The following UNC13C variants were observed in gnomAD, a reference collection of about 807,000 sequenced individuals.
UNC13C encodes protein unc-13 homolog C.
Under a neutral mutation model 245.4 loss-of-function variants are expected in UNC13C, and 174 were observed. The ratio of observed to expected loss-of-function variants is 0.71; its 90% CI spans 0.63 to 0.80. The LOEUF (loss-of-function observed/expected upper bound fraction) is 0.80, where lower values mean the gene tolerates loss of function less well. Ranked by LOEUF, UNC13C falls within the 30% of genes least tolerant of loss-of-function variation. The pLI is 0.00. For missense variants in UNC13C, 2,829 were observed against 2,602.9 expected (o/e 1.09, Z -1.89); for synonymous variants, 992 against 895.1 (o/e 1.11, Z -1.93).
chr15:54,553,822 G>GT (rs143289431), intron 28 of UNC13C, among the ~76,000 whole-genome samples: 7,873 of 151,850 alleles, frequency 0.052, 350 homozygotes, highest in Admixed American at 0.13. Context: ...TGACCACATT[G>GT]TTAAACCAGT....
At chr15:54,151,819 C>T (rs1033660967) in intron 4 of UNC13C, among the ~76,000 whole-genome samples, 5 of 143,482 alleles carry the variant, frequency 3.5e-5, no homozygotes, top group Non-Finnish European at 7.7e-5. Context: ...CAGTTCCTGG[C>T]GCTGGAGCGT....
At chr15:53,845,387 G>A in the UNC13C span, among the ~76,000 whole-genome samples, 3 of 151,338 alleles carry the variant, frequency 2.0e-5, no homozygotes, top group African/African-American at 7.3e-5. Flanking sequence ...CTGAAATAGA[G>A]AAGTAGATCA....
the UNC13C span, among the ~76,000 whole-genome samples, chr15:53,946,447 TTTTG>T: frequency 2.4e-5 from 2 of 82,520 alleles, no homozygotes; most frequent in Non-Finnish European, 2.7e-5. Context: ...GTGTTCTTTT[TTTTG>T]TTTTTTTTTT....
intron 4 of UNC13C, among the ~76,000 whole-genome samples, chr15:54,177,098 GA>G (rs553507722): frequency 7.2e-5 from 11 of 152,006 alleles, no homozygotes; most frequent in Non-Finnish European, 1.3e-4. Flanking sequence ...AAGGCATTCT[GA>G]AAAAAAGATT....
At chr15:54,438,362 A>G (rs1308029362) in intron 19 of UNC13C, among the ~76,000 whole-genome samples, 1 of 151,990 alleles carries the variant, frequency 6.6e-6, no homozygotes, top group Non-Finnish European at 1.5e-5. Context: ...ACTACAAGAT[A>G]TGTCCATGTC....
At chr15:54,265,519 T>C in intron 10 of UNC13C, 23 bp downstream of exon 10, 1 of 1,440,414 alleles carries the variant, frequency 6.9e-7, no homozygotes, top group Non-Finnish European at 9.3e-7. Flanking sequence ...TGTGAAACCT[T>C]TACAAATATT....
chr15:54,299,097 G>T (rs1455666434), intron 12 of UNC13C, among the ~76,000 whole-genome samples: 6 of 152,044 alleles, frequency 3.9e-5, no homozygotes, highest in South Asian at 2.1e-4. Context: ...CCAATAAAAA[G>T]AAATCCCTTG....
intron 4 of UNC13C, among the ~76,000 whole-genome samples, chr15:54,209,916 C>A (rs2034827844): frequency 6.6e-6 from 1 of 151,994 alleles, no homozygotes; most frequent in Non-Finnish European, 1.5e-5. Flanking sequence ...CAAAAAGTAT[C>A]TGGTAGATGT....
chr15:53,904,805 A>G, the UNC13C span, among the ~76,000 whole-genome samples: 1 of 152,158 alleles, frequency 6.6e-6, no homozygotes, highest in Non-Finnish European at 1.5e-5. Context: ...TTAATTAGTT[A>G]TGATACCTTG....
chr15:54,440,707 A>G (rs1890475221), intron 19 of UNC13C, among the ~76,000 whole-genome samples: 1 of 152,022 alleles, frequency 6.6e-6, no homozygotes, highest in African/African-American at 2.4e-5. Context: ...CAGTAGTTCT[A>G]TTTTTAGATT....
At chr15:54,602,228 A>G (rs1300669871) in intron 30 of UNC13C, among the ~76,000 whole-genome samples, 2 of 152,166 alleles carry the variant, frequency 1.3e-5, no homozygotes, top group Non-Finnish European at 1.5e-5. Context: ...GGATAACTTT[A>G]TTTCGGAAAC....
chr15:54,118,809 T>A (rs1308136627), intron 2 of UNC13C, among the ~76,000 whole-genome samples: 1 of 152,238 alleles, frequency 6.6e-6, no homozygotes, highest in African/African-American at 2.4e-5. Context: ...TTGAGGTATG[T>A]TTTTTCTATA....
chr15:54,545,839 T>A (rs1207073849), intron 26 of UNC13C, among the ~76,000 whole-genome samples: 1 of 152,104 alleles, frequency 6.6e-6, no homozygotes. Flanking sequence ...GGAGAGAATG[T>A]GGAGAAATAG....
intron 2 of UNC13C, among the ~76,000 whole-genome samples, chr15:54,080,756 T>G (rs1035762701): frequency 2.0e-5 from 3 of 152,082 alleles, no homozygotes; most frequent in African/African-American, 7.2e-5. Context: ...TGTTTATCCT[T>G]TCAAATAACC....
intron 4 of UNC13C, among the ~76,000 whole-genome samples, chr15:54,226,464 C>G (rs1457672601): frequency 6.6e-6 from 1 of 152,142 alleles, no homozygotes; most frequent in Non-Finnish European, 1.5e-5. Context: ...GTCACAGGGT[C>G]CTTGGAGTGT....
chr15:54,156,039 C>G (rs1347805900), intron 4 of UNC13C, among the ~76,000 whole-genome samples: 2 of 152,134 alleles, frequency 1.3e-5, no homozygotes, highest in South Asian at 2.1e-4. Flanking sequence ...ATTTGAAATA[C>G]CTACATCTTG....
At chr15:53,908,205 TATC>T in the UNC13C span, among the ~76,000 whole-genome samples, 1 of 146,476 alleles carries the variant, frequency 6.8e-6, no homozygotes, top group South Asian at 2.3e-4. Flanking sequence ...CATGTGTCCT[TATC>T]ATTTAATGGG....
chr15:54,528,271 A>T (rs1480445100), intron 25 of UNC13C, among the ~76,000 whole-genome samples: 2 of 151,492 alleles, frequency 1.3e-5, no homozygotes, highest in Non-Finnish European at 2.9e-5. Context: ...GTGTGCCACT[A>T]GGGTTTCTGC....
At chr15:54,036,851 A>T (rs1896596323) in intron 2 of UNC13C, among the ~76,000 whole-genome samples, 1 of 152,190 alleles carries the variant, frequency 6.6e-6, no homozygotes, top group Non-Finnish European at 1.5e-5. Flanking sequence ...AATTTCTATG[A>T]CTTTATGAAC....
Sources: allele counts gnomAD v4.1 joint callset (sites outside exome capture counted in the v4.1 genomes callset), GRCh38; gene constraint gnomAD v4.1.1; transcripts MANE v1.5; gene names NCBI Gene and HGNC (gene_info 2026-07-23, HGNC 2026-07-21).